The following GNPTAB variants were observed in gnomAD, a reference collection of about 807,000 sequenced individuals.
GNPTAB encodes the protein N-acetylglucosamine-1-phosphate transferase subunits alpha and beta.
In GNPTAB, 92 loss-of-function variants were observed where a neutral mutation model predicts 136.6. The observed-to-expected ratio is 0.67, with a 90% CI of 0.57 to 0.80. GNPTAB has a LOEUF of 0.80. Ranked by LOEUF, GNPTAB falls within the 30% of genes least tolerant of loss-of-function variation. GNPTAB has a pLI of 0.00. For synonymous variants in GNPTAB, 512 were observed against 535.1 expected (o/e 0.96, Z 0.60); for missense variants, 1,343 against 1,501.8 (o/e 0.89, Z 1.75).
At chr12:101,829,187 T>C (rs1594268654) in intron 1 of GNPTAB, among the ~76,000 whole-genome samples, 1 of 152,106 alleles carries the variant, frequency 6.6e-6, no homozygotes, top group African/African-American at 2.4e-5. Context: ...GAAAAGGATA[T>C]AAAATGAAAA....
At chr12:101,809,973 C>T (rs1870131748) in intron 1 of GNPTAB, among the ~76,000 whole-genome samples, 1 of 152,128 alleles carries the variant, frequency 6.6e-6, no homozygotes, top group Admixed American at 6.5e-5. Context: ...ACCACACTGA[C>T]CCAAGGTGTT....
chr12:101,763,216 C>A, intron 13 of GNPTAB, among the ~76,000 whole-genome samples: 1 of 126,220 alleles, frequency 7.9e-6, no homozygotes, highest in Non-Finnish European at 1.7e-5. Flanking sequence ...AGCGAAACTC[C>A]ATCTCAAAAA....
intron 18 of GNPTAB, 200 bp downstream of exon 18, chr12:101,757,012 G>A (rs557065573): frequency 3.6e-5 from 19 of 531,408 alleles, no homozygotes; most frequent in African/African-American, 3.1e-4. Context: ...CCAGTTCTTC[G>A]AAGTTCAGGC....
rs369694436 is a variant in GNPTAB, at chr12:101,780,188, T to G, written c.735A>C (p.Thr245=). ...PTFKETNQLK[T]KLPENLSSKV... ...TAGAGGAAAGATTTTCTGGCAATTT[T>G]GTTTTTAGTTGATTTGTTTCCTTGA... The change falls in exon 7 of 21, where the codon ACA becomes ACC. Residue 245 remains threonine (T), a synonymous_variant. Transcript: ENST00000299314. The G allele has an allele frequency of 1.2e-5, 20 of 1,613,932 alleles. No individual in the cohort carries two copies. The highest frequency in any genetic ancestry group is 1.7e-5 in the Non-Finnish European group (20 of 1,179,770).
chr12:101,792,095 G>A lies in GNPTAB; in HGVS notation c.204-2038C>T, dbSNP rs116474356. On this transcript the variant is annotated intron_variant, in intron 2 of 20. Transcript: ENST00000299314. The stretch of plus-strand genomic sequence containing the variant: ...ATAGAAAGAGTGTCTATGGGGAGGC[G>A]GGGCGGTCAGTTTTAAATAGGGAGA... Among the ~76,000 whole-genome samples the A allele has an allele frequency of 2.4e-3, 363 of 152,130 alleles. 3 individuals carry two copies. The highest frequency in any genetic ancestry group is 8.5e-3 in the African/African-American group (352 of 41,478).
At chr12:101,776,539 C>T (rs903021288) in intron 7 of GNPTAB, among the ~76,000 whole-genome samples, 1 of 152,212 alleles carries the variant, frequency 6.6e-6, no homozygotes, top group Non-Finnish European at 1.5e-5. Context: ...TCAAGTCCTA[C>T]ACTCCTGCCT....
intron 7 of GNPTAB, among the ~76,000 whole-genome samples, chr12:101,772,163 ACT>A (rs1953186761): frequency 6.6e-6 from 1 of 152,068 alleles, no homozygotes; most frequent in Admixed American, 6.5e-5. Flanking sequence ...TTCTGTTCTG[ACT>A]CTGTATCACA....
intron 12 of GNPTAB, 149 bp from the exon 13 acceptor site, chr12:101,765,453 G>A (rs1953076139): frequency 3.0e-6 from 2 of 657,530 alleles, no homozygotes; most frequent in African/African-American, 1.8e-5. Context: ...TTGTGCAGGG[G>A]CCATGCTAAT....
rs1467391711 is a variant in GNPTAB at position 101,812,983 on chromosome 12, T to C, written c.118-16221A>G. On this transcript the variant is annotated intron_variant, in intron 1 of 20. Transcript: ENST00000299314. ...CATGCCCAGCTAAGTGTTTTTTGTG[T>C]GTGTTTTTTTTTTTTTTGGTTTCTT... 2.9e-5 allele frequency among the ~76,000 whole-genome samples: 4 copies of C among 138,330 alleles called. No homozygotes were observed. The South Asian group carries it at 7.0e-4, about 24-fold the overall frequency. 90.7% of individuals were successfully genotyped at this position (138,330 alleles called of 152,430 possible).
chr12:101,820,016 G>A (rs944721212), intron 1 of GNPTAB, among the ~76,000 whole-genome samples: 12 of 152,158 alleles, frequency 7.9e-5, no homozygotes, highest in Non-Finnish European at 1.0e-4. Context: ...AGCTCACAGG[G>A]TGGTCTCCTG....
intron 1 of GNPTAB, among the ~76,000 whole-genome samples, chr12:101,820,680 G>C (rs1238455792): frequency 6.6e-6 from 1 of 152,132 alleles, no homozygotes; most frequent in Non-Finnish European, 1.5e-5. Flanking sequence ...AAGAACCACT[G>C]TCCTAGAGCT....
intron 1 of GNPTAB, among the ~76,000 whole-genome samples, chr12:101,823,873 T>C (rs1439122834): frequency 6.6e-6 from 1 of 152,136 alleles, no homozygotes; most frequent in African/African-American, 2.4e-5. Context: ...ATATTAAAAA[T>C]AGAAACAATC....
intron 2 of GNPTAB, among the ~76,000 whole-genome samples, chr12:101,790,861 C>T (rs1362046372): frequency 6.6e-6 from 1 of 151,736 alleles, no homozygotes; most frequent in Non-Finnish European, 1.5e-5. Flanking sequence ...GCACCCTCCC[C>T]AGCCTCACCT....
intron 2 of GNPTAB, among the ~76,000 whole-genome samples, chr12:101,792,892 T>C (rs2137154144): frequency 6.6e-6 from 1 of 152,324 alleles, no homozygotes; most frequent in East Asian, 1.9e-4. Context: ...GGTTTCCCTA[T>C]CTAGGGTTTT....
intron 1 of GNPTAB, among the ~76,000 whole-genome samples, chr12:101,810,998 A>G (rs1039761314): frequency 6.6e-5 from 10 of 152,204 alleles, no homozygotes; most frequent in African/African-American, 2.4e-4. Flanking sequence ...TACACCTCAG[A>G]AGGGTTTGCG....
At chr12:101,824,210 G>T (rs1870954377) in intron 1 of GNPTAB, among the ~76,000 whole-genome samples, 1 of 151,826 alleles carries the variant, frequency 6.6e-6, no homozygotes, top group South Asian at 2.1e-4. Flanking sequence ...AGAAAGAAAA[G>T]CTATCTTTCT....
intron 2 of GNPTAB, 148 bp from the exon 3 acceptor site, chr12:101,790,205 T>A: frequency 9.2e-7 from 1 of 1,089,600 alleles, no homozygotes; most frequent in Admixed American, 1.9e-5. Context: ...GAACTGCATG[T>A]TTTCAAACTG....
intron 1 of GNPTAB, among the ~76,000 whole-genome samples, chr12:101,812,122 G>A (rs1870272122): frequency 6.6e-6 from 1 of 152,048 alleles, no homozygotes; most frequent in Non-Finnish European, 1.5e-5. Context: ...GCATGTGCCT[G>A]TAATTCTAGC....
At chr12:101,802,790 C>T (rs1016927651) in intron 1 of GNPTAB, among the ~76,000 whole-genome samples, 3 of 152,072 alleles carry the variant, frequency 2.0e-5, no homozygotes, top group Non-Finnish European at 4.4e-5. Flanking sequence ...CAAAAGGGCC[C>T]GAACAGAATG....
Sources: gnomAD v4.1 joint callset for allele counts (sites outside exome capture counted in the v4.1 genomes callset) on GRCh38, gnomAD v4.1.1 for gene constraint, MANE v1.5 for transcripts, NCBI Gene and HGNC (gene_info 2026-07-23, HGNC 2026-07-21) for gene names.